Variants in SS18 observed in about 807,000 individuals in gnomAD.
The protein encoded by SS18 is protein SSXT.
SS18 carries 28 observed loss-of-function variants against 72.5 expected under a neutral mutation model. The observed-to-expected ratio is 0.39, with a 90% CI of 0.29 to 0.53. The LOEUF is 0.53. Among genes scored for constraint, SS18 ranks in the 20% least tolerant of loss-of-function variants. The pLI is 0.76. For synonymous variants in SS18, 172 were observed against 164.2 expected (o/e 1.05, Z -0.37); for missense variants, 518 against 535.3 (o/e 0.97, Z 0.32).
intron 2 of SS18, among the ~76,000 whole-genome samples, chr18:26,082,099 G>A (rs980747132): frequency 4.6e-5 from 7 of 151,556 alleles, no homozygotes; most frequent in African/African-American, 1.7e-4. Context: ...TTGATATGAG[G>A]AAAAAAAGGA....
chr18:26,032,508 G>C lies in SS18; in HGVS notation c.1121C>G (p.Pro374Arg), dbSNP rs1264765574. 6.2e-7 allele frequency: 1 copy of C among 1,613,526 alleles called. No homozygotes were observed. The highest frequency in any genetic ancestry group is 8.5e-7 in the Non-Finnish European group (1 of 1,179,788). ...GYGPSQGGPGPQYPNYPQGQG... is the reference protein window; with the variant it reads ...GYGPSQGGPGRQYPNYPQGQG... ...TCCCTGTGGGTAGTTAGGATACTGAGGACCTGGACCACCCTGTGAAGGACC... is the reference window on the plus strand; with the variant it reads ...TCCCTGTGGGTAGTTAGGATACTGACGACCTGGACCACCCTGTGAAGGACC... The change falls in exon 10 of 11, where the codon CCT becomes CGT. Residue 374 changes from proline (P) to arginine (R), a missense_variant. Coordinates refer to ENST00000415083, the MANE Select transcript of SS18 (RefSeq NM_001007559.3).
At chr18:26,082,249 G>T in intron 2 of SS18, 1 of 351,696 alleles carries the variant, frequency 2.8e-6, no homozygotes, top group Non-Finnish European at 4.0e-6. Context: ...TCCCACAGAG[G>T]CCACTAAGAG....
intron 10 of SS18, among the ~76,000 whole-genome samples, chr18:26,024,256 G>A (rs1051507212): frequency 2.0e-5 from 3 of 152,176 alleles, no homozygotes; most frequent in Non-Finnish European, 4.4e-5. Context: ...AGGGGAATGA[G>A]GAGTGACTGC....
At chr18:26,067,577 G>GA (rs1355142677) in intron 3 of SS18, among the ~76,000 whole-genome samples, 6 of 152,138 alleles carry the variant, frequency 3.9e-5, no homozygotes, top group African/African-American at 1.4e-4. Context: ...TCAATGTTTA[G>GA]ATGGAACACC....
intron 4 of SS18, among the ~76,000 whole-genome samples, chr18:26,054,077 T>C (rs60188988): frequency 8.3e-4 from 126 of 152,330 alleles, no homozygotes; most frequent in African/African-American, 3.0e-3. Context: ...TCCTCTCATA[T>C]ACTTTAAATC....
At chr18:26,067,026 A>T (rs1341938198) in intron 3 of SS18, among the ~76,000 whole-genome samples, 2 of 152,208 alleles carry the variant, frequency 1.3e-5, no homozygotes, top group Non-Finnish European at 2.9e-5. Flanking sequence ...TTTGTTATAC[A>T]TTCTTAAAGG....
intron 4 of SS18, among the ~76,000 whole-genome samples, chr18:26,057,347 A>C (rs1356228243): frequency 6.6e-6 from 1 of 152,194 alleles, no homozygotes. Context: ...CAGACAGACT[A>C]AATTTAGCCA....
intron 1 of SS18, chr18:26,089,665 C>G (rs2054679559): frequency 6.6e-6 from 1 of 152,172 alleles, no homozygotes; most frequent in African/African-American, 2.4e-5. Context: ...AATAAAGAAC[C>G]TTTGTGTTCC....
At chr18:26,074,446 C>T (rs2054372694) in intron 3 of SS18, among the ~76,000 whole-genome samples, 2 of 151,896 alleles carry the variant, frequency 1.3e-5, no homozygotes, top group South Asian at 4.1e-4. Context: ...CTGCTACAAC[C>T]GAAACAAGAT....
intron 3 of SS18, among the ~76,000 whole-genome samples, chr18:26,070,204 T>G (rs146855011): frequency 8.7e-4 from 133 of 152,338 alleles, no homozygotes; most frequent in African/African-American, 3.1e-3. Context: ...GTCAATAGTT[T>G]GTTGTTTCAG....
intron 3 of SS18, among the ~76,000 whole-genome samples, chr18:26,069,604 C>T (rs879712635): frequency 6.6e-5 from 10 of 151,660 alleles, no homozygotes; most frequent in Non-Finnish European, 1.5e-4. Context: ...AAGTTTTCCA[C>T]ATAATTCTAA....
chr18:26,078,199 T>C (rs1265899965), intron 2 of SS18, 39 bp from the exon 3 acceptor site: 4 of 1,478,410 alleles, frequency 2.7e-6, no homozygotes, highest in Non-Finnish European at 3.7e-6. Context: ...AAAAAATAAT[T>C]TTCTTCCTAC....
At chr18:26,032,258 C>A in intron 10 of SS18, 141 bp downstream of exon 10, 1 of 972,258 alleles carries the variant, frequency 1.0e-6, no homozygotes, top group Non-Finnish European at 1.5e-6. Context: ...AAGTGATACA[C>A]TTTTTGTTAA....
At chr18:26,022,780 G>A (rs568490347) in intron 10 of SS18, among the ~76,000 whole-genome samples, 1 of 152,292 alleles carries the variant, frequency 6.6e-6, no homozygotes, top group Non-Finnish European at 1.5e-5. Flanking sequence ...GTACAGATAT[G>A]CAAATGTGTG....
Position 26,075,691 on chromosome 18 carries a change from TCAC to T in SS18, c.231+2382_231+2384del, listed in dbSNP as rs1418180483. On this transcript the variant is annotated intron_variant, in intron 3 of 10. Transcript: ENST00000415083. Reference sequence around the variant, plus strand: ...AGGAACAAGACAAGGATGTCCTCTATCACCACTTCTATTCAGGAATGTAATGGA... The same window carrying T: ...AGGAACAAGACAAGGATGTCCTCTATCACTTCTATTCAGGAATGTAATGGA... Among the ~76,000 whole-genome samples, 5 of 151,856 alleles carry T rather than the reference TCAC, an allele frequency of 3.3e-5. No individual in the cohort carries two copies. The East Asian group carries it at 9.6e-4, about 29-fold the overall frequency.
chr18:26,052,417 A>G (rs1439931705), intron 5 of SS18, among the ~76,000 whole-genome samples: 1 of 152,240 alleles, frequency 6.6e-6, no homozygotes, highest in Non-Finnish European at 1.5e-5. Flanking sequence ...ACTGTCCAAA[A>G]GACATAAAAA....
At chr18:26,062,685 GA>G (rs997964982) in intron 3 of SS18, among the ~76,000 whole-genome samples, 3 of 151,926 alleles carry the variant, frequency 2.0e-5, no homozygotes, top group Non-Finnish European at 2.9e-5. Flanking sequence ...TATATTAAAA[GA>G]AAAAAATGGA....
chr18:26,042,507 T>C (rs2053747318), intron 5 of SS18, among the ~76,000 whole-genome samples: 1 of 152,120 alleles, frequency 6.6e-6, no homozygotes, highest in Non-Finnish European at 1.5e-5. Flanking sequence ...TTCTAATAGA[T>C]ATTCTATGAA....
At chr18:26,022,320 A>C (rs2053366403) in intron 10 of SS18, among the ~76,000 whole-genome samples, 1 of 152,184 alleles carries the variant, frequency 6.6e-6, no homozygotes, top group African/African-American at 2.4e-5. Flanking sequence ...ATTCTTGGGG[A>C]AGAAGAATAT....
Sources: gnomAD v4.1 joint callset for allele counts (sites outside exome capture counted in the v4.1 genomes callset) on GRCh38, gnomAD v4.1.1 for gene constraint, MANE v1.5 for transcripts, NCBI Gene and HGNC (gene_info 2026-07-23, HGNC 2026-07-21) for gene names.